The following MTHFD1L variants were observed in gnomAD, a reference collection of about 807,000 sequenced individuals.
MTHFD1L encodes the protein methylenetetrahydrofolate dehydrogenase (NADP+ dependent) 1 like.
In MTHFD1L, 81 loss-of-function variants were observed where a neutral mutation model predicts 119.5. That is an observed-to-expected ratio of 0.68 (90% CI 0.57 to 0.82). The LOEUF is 0.82. Ranked by LOEUF, MTHFD1L falls within the 40% of genes least tolerant of loss-of-function variation. MTHFD1L has a pLI of 0.00. For synonymous variants in MTHFD1L, 430 were observed against 475.2 expected (o/e 0.90, Z 1.24); for missense variants, 1,125 against 1,253.4 (o/e 0.90, Z 1.55).
chr6:150,949,197 G>A (rs1019221450), intron 16 of MTHFD1L, 64 bp downstream of exon 16: 71 of 1,343,386 alleles, frequency 5.3e-5, no homozygotes, highest in Middle Eastern at 3.6e-4. Context: ...GAGCCGAAGC[G>A]CTTAAATTCA....
intron 24 of MTHFD1L, chr6:151,022,066 G>A (rs1221576161): frequency 2.1e-6 from 1 of 471,036 alleles, no homozygotes; most frequent in Non-Finnish European, 4.4e-6. Context: ...GATGAAGGAA[G>A]AGCAAAACAA....
At chr6:151,075,418 A>G (rs1792384845) in intron 26 of MTHFD1L, among the ~76,000 whole-genome samples, 1 of 152,168 alleles carries the variant, frequency 6.6e-6, no homozygotes, top group African/African-American at 2.4e-5. Context: ...TCATTATGAC[A>G]AAGGGGCCGT....
At chr6:151,050,748 G>A (rs1378760026) in intron 26 of MTHFD1L, among the ~76,000 whole-genome samples, 1 of 152,078 alleles carries the variant, frequency 6.6e-6, no homozygotes, top group Admixed American at 6.5e-5. Flanking sequence ...ATACACATTT[G>A]GTCACAGAAG....
At chr6:151,072,656 G>A (rs1792067084) in intron 26 of MTHFD1L, among the ~76,000 whole-genome samples, 1 of 152,076 alleles carries the variant, frequency 6.6e-6, no homozygotes, top group African/African-American at 2.4e-5. Context: ...AGGCATGGTG[G>A]CGCACATCTG....
At chr6:151,045,093 G>T (rs1787776697) in intron 26 of MTHFD1L, among the ~76,000 whole-genome samples, 1 of 152,214 alleles carries the variant, frequency 6.6e-6, no homozygotes, top group South Asian at 2.1e-4. Flanking sequence ...CTTTGTACCG[G>T]CCCTACTTAG....
intron 1 of MTHFD1L, among the ~76,000 whole-genome samples, chr6:150,869,419 C>G (rs1422382023): frequency 6.6e-6 from 1 of 152,134 alleles, no homozygotes; most frequent in Non-Finnish European, 1.5e-5. Context: ...TGAGTGAGAA[C>G]ATGGGGTGTT....
chr6:151,021,958 G>A (rs1783999262), intron 24 of MTHFD1L: 4 of 468,200 alleles, frequency 8.5e-6, no homozygotes, highest in Admixed American at 7.1e-5. Context: ...ACATTTTAAG[G>A]TGTAGCCTTG....
At chr6:151,083,992 G>A (rs1003875813) in intron 26 of MTHFD1L, among the ~76,000 whole-genome samples, 8 of 152,130 alleles carry the variant, frequency 5.3e-5, no homozygotes, top group East Asian at 1.9e-4. Context: ...TTAGCATGGC[G>A]CCTGGAGTAT....
intron 8 of MTHFD1L, among the ~76,000 whole-genome samples, chr6:150,913,540 A>G (rs1404402047): frequency 6.6e-6 from 1 of 152,056 alleles, no homozygotes; most frequent in Non-Finnish European, 1.5e-5. Context: ...TCCTGGACTT[A>G]AGCAATCCTC....
At chr6:150,910,623 GCTCT>G (rs113263365) in intron 8 of MTHFD1L, among the ~76,000 whole-genome samples, 8 of 151,782 alleles carry the variant, frequency 5.3e-5, no homozygotes, top group African/African-American at 1.9e-4. Flanking sequence ...GAGGAAATAA[GCTCT>G]CTGATTAATT....
chr6:150,897,490 C>G (rs908191533), intron 7 of MTHFD1L, among the ~76,000 whole-genome samples: 1 of 152,294 alleles, frequency 6.6e-6, no homozygotes, highest in African/African-American at 2.4e-5. Flanking sequence ...ACTTGCTTTC[C>G]GATTTTTCTG....
intron 1 of MTHFD1L, among the ~76,000 whole-genome samples, chr6:150,867,044 G>A (rs1778491025): frequency 6.6e-6 from 1 of 152,092 alleles, no homozygotes; most frequent in East Asian, 1.9e-4. Flanking sequence ...TTGCCTGCTT[G>A]CCTTTCTCTC....
rs759215608 is a variant in MTHFD1L, at chr6:151,021,203, G to T, written c.2586+5510G>T. 9.8e-5 allele frequency among the ~76,000 whole-genome samples: 15 copies of T among 152,292 alleles called. 1 individual carries two copies. The South Asian group carries it at 2.1e-3, about 21-fold the overall frequency. On this transcript the variant is annotated intron_variant, in intron 24 of 27. Coordinates refer to ENST00000367321, the MANE Select transcript of MTHFD1L (RefSeq NM_015440.5). ...ACAGTGACACCAACTTCACCAAGTT[G>T]CTGTGAGACCCAAATGAAATGCCCC...
chr6:150,887,916 C>T lies in MTHFD1L; in HGVS notation c.715C>T (p.Leu239=). The change falls in exon 7 of 28, where the codon CTG becomes TTG. Residue 239 remains leucine (L), a synonymous_variant. Coordinates refer to ENST00000367321, the MANE Select transcript of MTHFD1L (RefSeq NM_015440.5). The part of the protein sequence containing the change: ...HGSLEAALQC[L]FQRKGSMTMS... Reference sequence around the variant, plus strand: ...GTCTTTGGAAGCTGCTCTACAATGCCTGTTCCAGAGAAAAGGGTCCATGAC... The same window carrying T: ...GTCTTTGGAAGCTGCTCTACAATGCTTGTTCCAGAGAAAAGGGTCCATGAC... 1.2e-6 allele frequency: 2 copies of T among 1,611,148 alleles called. No individual in the cohort carries two copies. The highest frequency in any genetic ancestry group is 1.7e-6 in the Non-Finnish European group (2 of 1,178,968).
chr6:151,048,079 A>C (rs1367015292), intron 26 of MTHFD1L, among the ~76,000 whole-genome samples: 1 of 152,118 alleles, frequency 6.6e-6, no homozygotes, highest in Non-Finnish European at 1.5e-5. Context: ...ATTCACCCCC[A>C]TGATCCAGTC....
At chr6:151,017,985 G>A (rs1307109904) in intron 24 of MTHFD1L, among the ~76,000 whole-genome samples, 1 of 151,936 alleles carries the variant, frequency 6.6e-6, no homozygotes, top group Non-Finnish European at 1.5e-5. Context: ...TGGGATTGCT[G>A]GGTCCTCTAG....
chr6:150,904,623 T>C (rs541708079), intron 7 of MTHFD1L, among the ~76,000 whole-genome samples: 1 of 152,282 alleles, frequency 6.6e-6, no homozygotes, highest in South Asian at 2.1e-4. Context: ...TCCCTCTGCA[T>C]AGGGATCCAG....
intron 4 of MTHFD1L, among the ~76,000 whole-genome samples, chr6:150,878,243 TTCTC>T (rs577176880): frequency 5.9e-5 from 9 of 151,700 alleles, no homozygotes; most frequent in Admixed American, 2.0e-4. Flanking sequence ...ACAAGTTTAT[TTCTC>T]TCTCTCTCTC....
chr6:150,893,310 C>A lies in MTHFD1L; in HGVS notation c.780+5329C>A, dbSNP rs201495820. 2.6e-5 allele frequency among the ~76,000 whole-genome samples: 4 copies of A among 152,118 alleles called. No homozygotes were observed. In the East Asian group the frequency reaches 7.7e-4, roughly 29 times the overall value. On this transcript the variant is annotated intron_variant, in intron 7 of 27. Transcript: ENST00000367321. ...GAACTCCTGACCTCAAGTGATCCAC[C>A]CACATGGCCCTCTCAAAGTGCTGGA...
Sources: gnomAD v4.1 joint callset for allele counts (sites outside exome capture counted in the v4.1 genomes callset) on GRCh38, gnomAD v4.1.1 for gene constraint, MANE v1.5 for transcripts, NCBI Gene and HGNC (gene_info 2026-07-23, HGNC 2026-07-21) for gene names.